The following CELF4 variants were observed in gnomAD, a reference collection of about 807,000 sequenced individuals.
CELF4 encodes CUGBP Elav-like family member 4.
In CELF4, 18 loss-of-function variants were observed where a neutral mutation model predicts 59.9. The observed-to-expected ratio is 0.30, with a 90% confidence interval of 0.21 to 0.45. The LOEUF (loss-of-function observed/expected upper bound fraction) is 0.45. Ranked by LOEUF, CELF4 falls within the 20% of genes least tolerant of loss-of-function variation. CELF4 has a pLI of 1.00. For missense variants in CELF4, 456 were observed against 689.0 expected (o/e 0.66, Z 3.79); for synonymous variants, 261 against 267.1 (o/e 0.98, Z 0.22).
intron 12 of CELF4, among the ~76,000 whole-genome samples, chr18:37,251,834 C>T (rs1417545185): frequency 6.6e-6 from 1 of 152,206 alleles, no homozygotes; most frequent in Non-Finnish European, 1.5e-5. Flanking sequence ...ATCCCCCACA[C>T]TGGGCCCAGT....
At chr18:37,280,902 A>G (rs2094051735) in intron 3 of CELF4, among the ~76,000 whole-genome samples, 1 of 152,196 alleles carries the variant, frequency 6.6e-6, no homozygotes, top group Admixed American at 6.5e-5. Flanking sequence ...GCTTTGGTTC[A>G]CAACCTATAA....
intron 2 of CELF4, among the ~76,000 whole-genome samples, chr18:37,384,120 T>A (rs1386402951): frequency 6.6e-6 from 1 of 151,228 alleles, no homozygotes; most frequent in Non-Finnish European, 1.5e-5. Context: ...GATAGATACA[T>A]GGATTGATTG....
intron 2 of CELF4, among the ~76,000 whole-genome samples, chr18:37,445,422 T>A (rs2154601370): frequency 6.6e-6 from 1 of 152,080 alleles, no homozygotes; most frequent in East Asian, 1.9e-4. Context: ...CTGAGGGGTG[T>A]CTGGGGCCTG....
intron 2 of CELF4, among the ~76,000 whole-genome samples, chr18:37,393,358 G>A (rs865838258): frequency 2.0e-5 from 3 of 152,198 alleles, no homozygotes; most frequent in Middle Eastern, 3.2e-3. Flanking sequence ...TTACACAAAG[G>A]GGTCATTCAT....
At chr18:37,352,788 CT>C (rs1251174690) in intron 2 of CELF4, among the ~76,000 whole-genome samples, 1 of 152,032 alleles carries the variant, frequency 6.6e-6, no homozygotes, top group Admixed American at 6.6e-5. Context: ...GCAGGAAAGT[CT>C]CCCAGGTAGA....
intron 2 of CELF4, among the ~76,000 whole-genome samples, chr18:37,482,727 T>C (rs2099871517): frequency 6.6e-6 from 1 of 152,142 alleles, no homozygotes; most frequent in African/African-American, 2.4e-5. Flanking sequence ...TTATTGTTGC[T>C]CATAGTGACG....
chr18:37,324,538 G>T (rs1365575277), intron 2 of CELF4, among the ~76,000 whole-genome samples: 4 of 152,202 alleles, frequency 2.6e-5, no homozygotes, highest in African/African-American at 7.2e-5. Context: ...CATTTCCGTT[G>T]TTTAAGCCAC....
intron 2 of CELF4, among the ~76,000 whole-genome samples, chr18:37,474,659 A>C (rs982137498): frequency 6.6e-6 from 1 of 152,230 alleles, no homozygotes; most frequent in Admixed American, 6.5e-5. Flanking sequence ...TAAATAAATG[A>C]GATAATATTT....
chr18:37,503,628 A>C (rs567920603), intron 1 of CELF4, among the ~76,000 whole-genome samples: 6 of 151,742 alleles, frequency 4.0e-5, no homozygotes, highest in African/African-American at 1.5e-4. Context: ...ATTCTCAGAA[A>C]AGTCACTAAA....
chr18:37,332,901 A>G (rs1295231935), intron 2 of CELF4, among the ~76,000 whole-genome samples: 2 of 152,180 alleles, frequency 1.3e-5, no homozygotes, highest in Non-Finnish European at 2.9e-5. Flanking sequence ...CCCCACGTCC[A>G]TCTTGCTGCT....
At chr18:37,288,317 C>A (rs969555467) in intron 3 of CELF4, among the ~76,000 whole-genome samples, 1 of 152,212 alleles carries the variant, frequency 6.6e-6, no homozygotes, top group Non-Finnish European at 1.5e-5. Flanking sequence ...TGCTCCTAAG[C>A]CCTGTGGTGA....
At chr18:37,413,612 G>GCC (rs2099495275) in intron 2 of CELF4, among the ~76,000 whole-genome samples, 1 of 152,152 alleles carries the variant, frequency 6.6e-6, no homozygotes, top group Non-Finnish European at 1.5e-5. Context: ...TGACCCCATG[G>GCC]ACCAGTTATG....
chr18:37,498,082 G>A (rs2099927241), intron 1 of CELF4, among the ~76,000 whole-genome samples: 4 of 152,156 alleles, frequency 2.6e-5, no homozygotes. Flanking sequence ...GGACACCTGA[G>A]TGAATCACCA....
At chr18:37,521,437 G>A (rs1183538024) in intron 1 of CELF4, among the ~76,000 whole-genome samples, 1 of 151,964 alleles carries the variant, frequency 6.6e-6, no homozygotes, top group Non-Finnish European at 1.5e-5. Flanking sequence ...ATATCAACTT[G>A]AGTGACATGT....
At chr18:37,422,183 G>A (rs2099582289) in intron 2 of CELF4, among the ~76,000 whole-genome samples, 1 of 152,200 alleles carries the variant, frequency 6.6e-6, no homozygotes, top group South Asian at 2.1e-4. Context: ...TGGGGCCTGT[G>A]TAAGGACCAG....
intron 2 of CELF4, among the ~76,000 whole-genome samples, chr18:37,484,835 C>T (rs2099877443): frequency 1.3e-5 from 2 of 152,156 alleles, no homozygotes; most frequent in Admixed American, 1.3e-4. Flanking sequence ...TTAAATTATG[C>T]CCACAAACAC....
chr18:37,443,498 TGTGCCGAA>T (rs2099739111), intron 2 of CELF4, among the ~76,000 whole-genome samples: 2 of 152,134 alleles, frequency 1.3e-5, no homozygotes. Flanking sequence ...AGTGTGTGCA[TGTGCCGAA>T]GTGTTTTGGC....
At chr18:37,541,224 A>T (rs879183181) in intron 1 of CELF4, among the ~76,000 whole-genome samples, 1 of 152,030 alleles carries the variant, frequency 6.6e-6, no homozygotes. Flanking sequence ...CTCCTTGGAC[A>T]TCTAACAGGC....
chr18:37,351,957 G>C (rs1434814020), intron 2 of CELF4, among the ~76,000 whole-genome samples: 1 of 152,066 alleles, frequency 6.6e-6, no homozygotes, highest in East Asian at 1.9e-4. Flanking sequence ...CACTACTCAG[G>C]GGAAGCAGCT....
Sources: allele counts gnomAD v4.1 joint callset (sites outside exome capture counted in the v4.1 genomes callset), GRCh38; gene constraint gnomAD v4.1.1; transcripts MANE v1.5; gene names NCBI Gene and HGNC (gene_info 2026-07-23, HGNC 2026-07-21).